Variants in RFX3 observed in about 807,000 individuals in gnomAD.
RFX3 encodes the protein regulatory factor X3, also known as transcription factor RFX3.
RFX3 carries 14 observed loss-of-function variants against 98.6 expected under a neutral mutation model. The observed-to-expected ratio is 0.14, with a 90% confidence interval of 0.09 to 0.22. The LOEUF is 0.22. Among genes scored for constraint, RFX3 ranks in the 10% least tolerant of loss-of-function variants. The pLI, the probability that RFX3 is intolerant of heterozygous loss-of-function variation, is 1.00. For synonymous variants in RFX3, 383 were observed against 328.4 expected (o/e 1.17, Z -1.80); for missense variants, 639 against 926.9 (o/e 0.69, Z 4.03).
intron 1 of RFX3, among the ~76,000 whole-genome samples, chr9:3,413,664 T>A (rs1587576082): frequency 6.6e-6 from 1 of 152,254 alleles, no homozygotes. Context: ...AAATGCTTCC[T>A]GAATGTGAAA....
At chr9:3,475,902 G>A (rs545528336) in intron 1 of RFX3, among the ~76,000 whole-genome samples, 2 of 152,068 alleles carry the variant, frequency 1.3e-5, no homozygotes, top group Non-Finnish European at 2.9e-5. Context: ...TTTTCCCTTC[G>A]CACTGACGCT....
At chr9:3,330,580 C>G in intron 3 of RFX3, 63 bp from the exon 4 acceptor site, 1 of 1,454,846 alleles carries the variant, frequency 6.9e-7, no homozygotes, top group Non-Finnish European at 9.3e-7. Flanking sequence ...TAATTTTTTT[C>G]TAATATGAAT....
intron 1 of RFX3, among the ~76,000 whole-genome samples, chr9:3,433,644 T>G (rs554456223): frequency 1.2e-4 from 19 of 152,334 alleles, no homozygotes; most frequent in African/African-American, 4.3e-4. Context: ...ATTTGTATTG[T>G]AGATTACAGG....
chr9:3,373,218 G>C (rs904615184), intron 2 of RFX3, among the ~76,000 whole-genome samples: 2 of 152,052 alleles, frequency 1.3e-5, no homozygotes. Context: ...GAGAGAGAAT[G>C]GATGAGGGAA....
chr9:3,227,751 T>A (rs1218944303), intron 16 of RFX3, among the ~76,000 whole-genome samples: 2 of 152,232 alleles, frequency 1.3e-5, no homozygotes, highest in African/African-American at 4.8e-5. Flanking sequence ...CTAATTAATA[T>A]CATCATTGAC....
intron 1 of RFX3, among the ~76,000 whole-genome samples, chr9:3,429,472 G>C (rs1429890566): frequency 6.6e-6 from 1 of 151,244 alleles, no homozygotes; most frequent in East Asian, 1.9e-4. Flanking sequence ...GACATAAATT[G>C]ACAACTATTT....
Position 3,225,532 on chromosome 9 carries a change from C to G in RFX3, c.2012-252G>C, listed in dbSNP as rs532793773. On this transcript the variant is annotated intron_variant, in intron 16 of 16. Coordinates refer to ENST00000617270, the MANE Select transcript of RFX3 (RefSeq NM_001282116.2). ...CAACTTGTGATTGATACTTTGTTAACTTTTTTAAAAAAAAAGGCCTTTGGA... is the reference window on the plus strand; with the variant it reads ...CAACTTGTGATTGATACTTTGTTAAGTTTTTTAAAAAAAAAGGCCTTTGGA... Among the ~76,000 whole-genome samples, 16 of 150,274 alleles carry G rather than the reference C, an allele frequency of 1.1e-4. No individual in the cohort carries two copies. The South Asian group carries it at 3.4e-3, about 32-fold the overall frequency.
chr9:3,512,857 T>G (rs901166352), intron 1 of RFX3, among the ~76,000 whole-genome samples: 2 of 152,088 alleles, frequency 1.3e-5, no homozygotes, highest in African/African-American at 4.8e-5. Flanking sequence ...ATTTCCAAAT[T>G]CTCTACTAAT....
chr9:3,479,925 G>C (rs901265430), intron 1 of RFX3, among the ~76,000 whole-genome samples: 1 of 152,196 alleles, frequency 6.6e-6, no homozygotes, highest in East Asian at 1.9e-4. Context: ...GCTTCTGGAA[G>C]AGAAAAGAGT....
At chr9:3,330,547 C>G in intron 3 of RFX3, 30 bp from the exon 4 acceptor site, 1 of 1,576,152 alleles carries the variant, frequency 6.3e-7, no homozygotes, top group Non-Finnish European at 8.7e-7. Flanking sequence ...AAGAAATTTA[C>G]TAGCTTATTT....
chr9:3,318,168 T>C (rs1266706665), intron 4 of RFX3, among the ~76,000 whole-genome samples: 1 of 152,174 alleles, frequency 6.6e-6, no homozygotes, highest in Non-Finnish European at 1.5e-5. Context: ...GTGGCACATA[T>C]ACACCATGGA....
chr9:3,352,563 A>G (rs189424695), intron 2 of RFX3, among the ~76,000 whole-genome samples: 2 of 152,226 alleles, frequency 1.3e-5, no homozygotes, highest in Admixed American at 1.3e-4. Flanking sequence ...CACATTATGC[A>G]CCTTACACAT....
At chr9:3,264,755 T>C (rs1823392941) in intron 12 of RFX3, among the ~76,000 whole-genome samples, 1 of 152,160 alleles carries the variant, frequency 6.6e-6, no homozygotes, top group Non-Finnish European at 1.5e-5. Context: ...TTGTCTCTGT[T>C]AATTGAATGT....
intron 3 of RFX3, 118 bp downstream of exon 3, chr9:3,346,549 T>C (rs1834460003): frequency 1.5e-6 from 1 of 666,058 alleles, no homozygotes; most frequent in Non-Finnish European, 2.7e-6. Flanking sequence ...CAATAACTGT[T>C]CTAGTAGAAA....
chr9:3,411,308 G>T (rs78588642), intron 1 of RFX3, among the ~76,000 whole-genome samples: 4,469 of 151,918 alleles, frequency 0.029, 239 homozygotes, highest in African/African-American at 0.1. Context: ...CATCTTCCTC[G>T]CTCTGTGTCT....
At chr9:3,467,498 T>C (rs1486048705) in intron 1 of RFX3, among the ~76,000 whole-genome samples, 3 of 151,910 alleles carry the variant, frequency 2.0e-5, no homozygotes, top group African/African-American at 7.3e-5. Flanking sequence ...TCTTCCCTCT[T>C]ACATGAAAAT....
At position 3,507,541 on chromosome 9, in the gene RFX3, G is replaced by C. The variant is rs150941915; in HGVS notation, c.-9+18206C>G. ...GGCAGAGCTCGAATTCACACCCAGG[G>C]CTGTTCATTTTGAAGTTCATGCTCT... is the stretch of plus-strand genomic sequence containing the variant. On this transcript the variant is annotated intron_variant, in intron 1 of 16. Coordinates refer to ENST00000617270, the MANE Select transcript of RFX3 (RefSeq NM_001282116.2). Among the ~76,000 whole-genome samples, 12 of 151,950 alleles carry C rather than the reference G, an allele frequency of 7.9e-5. No homozygotes were observed. The East Asian group carries it at 2.1e-3, about 27-fold the overall frequency.
At position 3,262,824 on chromosome 9, in the gene RFX3, G is replaced by A. The variant is rs557057339; in HGVS notation, c.1605+111C>T. ...TCTCTTTCAGAACACTGTGAATATA[G>A]ATGCTGCCATATATAGATGAGACTT... On this transcript the variant is annotated intron_variant, in intron 13 of 16. Transcript: ENST00000617270. 149 of 1,081,298 alleles carry A rather than the reference G, an allele frequency of 1.4e-4. 1 individual carries two copies. The highest frequency in any genetic ancestry group is 5.7e-4 in the Admixed American group (27 of 47,658). The allele number at this position is 1,081,298 out of a possible 1,614,324, so 67.0% of individuals were successfully genotyped here.
intron 15 of RFX3, 108 bp downstream of exon 15, chr9:3,247,924 G>A: frequency 6.2e-7 from 1 of 1,612,448 alleles, no homozygotes; most frequent in Non-Finnish European, 8.5e-7. Context: ...CTCTGAGGCT[G>A]ACTTGGTTAG....
Sources: allele counts gnomAD v4.1 joint callset (sites outside exome capture counted in the v4.1 genomes callset), GRCh38; gene constraint gnomAD v4.1.1; transcripts MANE v1.5; gene names NCBI Gene and HGNC (gene_info 2026-07-23, HGNC 2026-07-21).